TMPRSS9: variants seen among roughly 807,000 people sequenced by gnomAD.
TMPRSS9 encodes the protein transmembrane protease serine 9.
A neutral mutation model predicts 111.4 loss-of-function variants in TMPRSS9; 113 were observed. The ratio of observed to expected loss-of-function variants is 1.01; its 90% CI spans 0.87 to 1.19. The LOEUF (loss-of-function observed/expected upper bound fraction) is 1.19, where lower values mean the gene tolerates loss of function less well. TMPRSS9 is among the 50% of genes most tolerant of loss of function. The probability of loss-of-function intolerance (pLI) is 0.00; values close to 1 mark genes in which losing one functional copy is unlikely to be tolerated. For missense variants in TMPRSS9, 1,803 were observed against 1,513.1 expected (o/e 1.19, Z -3.18); for synonymous variants, 805 against 659.1 (o/e 1.22, Z -3.39).
At chr19:2,364,908 G>A (rs1970236518) in intron 1 of TMPRSS9, among the ~76,000 whole-genome samples, 1 of 151,808 alleles carries the variant, frequency 6.6e-6, no homozygotes. Context: ...GAACCCGGGA[G>A]GCAGAGCTTG....
At position 2,424,080 on chromosome 19, in the gene TMPRSS9, C is replaced by T; in HGVS notation, c.2549-9C>T. The T allele has an allele frequency of 7.9e-7, 1 of 1,270,286 alleles. No individual in the cohort carries two copies. The highest frequency in any genetic ancestry group is 9.9e-7 in the Non-Finnish European group (1 of 1,005,926). The allele number at this position is 1,270,286 out of a possible 1,614,324, so 78.7% of individuals were successfully genotyped here. A position where few individuals can be genotyped will look rare whatever the true frequency, so the allele number is the denominator to read the frequency against. On this transcript the variant is annotated splice_polypyrimidine_tract_variant and intron_variant, in intron 14 of 17. Coordinates refer to ENST00000648592, the Ensembl canonical transcript of TMPRSS9. ...GGTCCGCCTGCCCACGCGCCTGGCT[C>T]CCCCGCAGACTGTGGCCTGGCGCCG...
intron 1 of TMPRSS9, among the ~76,000 whole-genome samples, chr19:2,381,719 C>T (rs1340738389): frequency 6.6e-6 from 1 of 152,098 alleles, no homozygotes; most frequent in African/African-American, 2.4e-5. Context: ...CAGAGGAACA[C>T]GTTCCCCTGA....
At chr19:2,407,383 G>T (rs149658907) in intron 7 of TMPRSS9, among the ~76,000 whole-genome samples, 199 of 151,392 alleles carry the variant, frequency 1.3e-3, no homozygotes, top group Middle Eastern at 0.01. Context: ...AAAATTAGTC[G>T]GGCATAGGGG....
rs141815319 is a variant in TMPRSS9 at position 2,415,708 on chromosome 19, G to A, written c.1612G>A (p.Val538Ile). 1.9e-6 allele frequency: 3 copies of A among 1,608,232 alleles called. No homozygotes were observed. The highest frequency in any genetic ancestry group is 2.5e-6 in the Non-Finnish European group (3 of 1,177,176). The change falls in exon 11 of 18, where the codon GTC becomes ATC. Residue 538 changes from valine to isoleucine, a missense_variant. By Grantham distance (29) the Val-to-Ile change is conservative (BLOSUM62 3). Transcript: ENST00000648592. ...GCCTGCAATGGAGAAGCCCACCCGG[G>A]TCGTGGGCGGGTTCGGAGCTGCCTC...
chr19:2,391,459 G>T (rs1047500654), intron 1 of TMPRSS9, among the ~76,000 whole-genome samples: 2 of 150,642 alleles, frequency 1.3e-5, no homozygotes, highest in Non-Finnish European at 2.9e-5. Context: ...TCTAGTGGCT[G>T]TAGGTACCAA....
intron 6 of TMPRSS9, 62 bp from the exon 8 acceptor site, chr19:2,405,312 T>G: frequency 6.6e-7 from 1 of 1,513,082 alleles, no homozygotes; most frequent in South Asian, 1.3e-5. Context: ...ATGCATGTTC[T>G]GGGAGTTCAG....
intron 1 of TMPRSS9, among the ~76,000 whole-genome samples, chr19:2,368,968 T>G (rs1970269531): frequency 6.7e-6 from 1 of 148,964 alleles, no homozygotes; most frequent in South Asian, 2.1e-4. Flanking sequence ...TTTTTTTTTT[T>G]GAGACAGAGT....
At chr19:2,425,238 T>C in exon 16 of TMPRSS9, 1 of 1,420,644 alleles carries the variant, frequency 7.0e-7, no homozygotes, top group Non-Finnish European at 9.2e-7. Flanking sequence ...CGCTGCGTCA[T>C]CACCGGCTGG....
chr19:2,390,549 G>C (rs1970568170), intron 1 of TMPRSS9, among the ~76,000 whole-genome samples: 1 of 147,488 alleles, frequency 6.8e-6, no homozygotes, highest in Admixed American at 6.8e-5. Context: ...GGCCCCAAAA[G>C]TATTTTTATA....
At chr19:2,375,591 G>T (rs563720554) in intron 1 of TMPRSS9, among the ~76,000 whole-genome samples, 1 of 152,148 alleles carries the variant, frequency 6.6e-6, no homozygotes, top group Non-Finnish European at 1.5e-5. Context: ...GTCCAGTGTG[G>T]ACCAATCACT....
At chr19:2,425,535 C>T (rs1174063610) in intron 17 of TMPRSS9, 42 bp downstream of exon 18, 8 of 1,491,694 alleles carry the variant, frequency 5.4e-6, no homozygotes, top group Middle Eastern at 4.1e-4. Flanking sequence ...CCCGCCCAGC[C>T]GCCGGGGAGG....
At chr19:2,406,067 G>A (rs1479626855) in intron 7 of TMPRSS9, among the ~76,000 whole-genome samples, 1 of 140,028 alleles carries the variant, frequency 7.1e-6, no homozygotes, top group Non-Finnish European at 1.5e-5. Flanking sequence ...CTGGAGTGCA[G>A]TGGCGTGATC....
chr19:2,418,337 TTCCC>T (rs1568189466), intron 13 of TMPRSS9, among the ~76,000 whole-genome samples, 199 bp downstream of exon 14: 2 of 30,138 alleles, frequency 6.6e-5, no homozygotes, highest in African/African-American at 7.1e-4. Flanking sequence ...CTCCCTTTCC[TTCCC>T]TCCCTTTCCC....
chr19:2,412,857 C>T (rs1971125224), intron 9 of TMPRSS9, among the ~76,000 whole-genome samples: 1 of 152,200 alleles, frequency 6.6e-6, no homozygotes, highest in South Asian at 2.1e-4. Context: ...AAACCAGAAT[C>T]TGGAGAAAAT....
chr19:2,375,288 A>G (rs1180641398), intron 1 of TMPRSS9, among the ~76,000 whole-genome samples: 1 of 152,126 alleles, frequency 6.6e-6, no homozygotes, highest in Non-Finnish European at 1.5e-5. Context: ...TAAAGTTGAA[A>G]CTCAAGGATC....
chr19:2,413,945 C>G, exon 10 of TMPRSS9: 1 of 1,611,966 alleles, frequency 6.2e-7, no homozygotes, highest in Non-Finnish European at 8.5e-7. Flanking sequence ...GCCCTGTGGT[C>G]AGCACCCCCA....
chr19:2,425,571 AC>A, intron 17 of TMPRSS9, 78 bp downstream of exon 18: 1 of 1,412,992 alleles, frequency 7.1e-7, no homozygotes, highest in Non-Finnish European at 9.2e-7. Context: ...CACGAAGCCC[AC>A]CATCCGGGAG....
At chr19:2,369,485 C>A (rs548650877) in intron 1 of TMPRSS9, among the ~76,000 whole-genome samples, 3 of 151,948 alleles carry the variant, frequency 2.0e-5, no homozygotes, top group Non-Finnish European at 4.4e-5. Context: ...AGTGTAGTGG[C>A]TTGATCGCAG....
intron 1 of TMPRSS9, among the ~76,000 whole-genome samples, chr19:2,374,874 G>C (rs1449667307): frequency 6.6e-6 from 1 of 152,174 alleles, no homozygotes; most frequent in Non-Finnish European, 1.5e-5. Context: ...GTTTCCTTTA[G>C]GGACCATCCC....
Sources: allele counts gnomAD v4.1 joint callset (sites outside exome capture counted in the v4.1 genomes callset), GRCh38; gene constraint gnomAD v4.1.1; transcripts MANE v1.5; gene names NCBI Gene and HGNC (gene_info 2026-07-23, HGNC 2026-07-21).